The following EYS variants were observed in gnomAD, a reference collection of about 807,000 sequenced individuals.
EYS encodes the protein protein eyes shut homolog.
A neutral mutation model predicts 282.1 loss-of-function variants in EYS; 250 were observed. That is an observed-to-expected ratio of 0.89 (90% CI 0.80 to 0.98). The LOEUF (loss-of-function observed/expected upper bound fraction) is 0.98. EYS is among the 50% of genes least tolerant of loss of function. The pLI, the probability that EYS is intolerant of heterozygous loss-of-function variation, is 0.00. For missense variants in EYS, 4,016 were observed against 3,709.0 expected, an observed-to-expected ratio of 1.08 and a Z score of -2.15; for synonymous variants, 1,355 against 1,282.9, an observed-to-expected ratio of 1.06 and a Z score of -1.20.
intron 13 of EYS, among the ~76,000 whole-genome samples, chr6:65,007,263 C>T (rs1771703940): frequency 6.6e-6 from 1 of 152,162 alleles, no homozygotes; most frequent in Admixed American, 6.5e-5. Context: ...ACTAGGGGTG[C>T]TGGCATCCCT....
At chr6:64,744,828 T>A (rs1370138047) in intron 22 of EYS, among the ~76,000 whole-genome samples, 4 of 152,150 alleles carry the variant, frequency 2.6e-5, no homozygotes, top group African/African-American at 7.2e-5. Flanking sequence ...GCTAAAAAAA[T>A]AATATTTGAC....
At chr6:65,144,231 G>A (rs1260558182) in intron 12 of EYS, among the ~76,000 whole-genome samples, 1 of 152,052 alleles carries the variant, frequency 6.6e-6, no homozygotes, top group African/African-American at 2.4e-5. Flanking sequence ...CTAAATATCT[G>A]TGTCACATAT....
chr6:64,406,162 T>C (rs1409333585), intron 28 of EYS, among the ~76,000 whole-genome samples: 2 of 151,962 alleles, frequency 1.3e-5, no homozygotes, highest in Non-Finnish European at 2.9e-5. Context: ...CCACCACACA[T>C]CTACAACAAT....
chr6:64,886,807 G>A lies in EYS; in HGVS notation c.2882C>T (p.Pro961Leu), dbSNP rs1377427385. The A allele has an allele frequency of 5.2e-6, 8 of 1,544,762 alleles. No individual in the cohort carries two copies. Among genetic ancestry groups the A allele is most frequent in the Non-Finnish European group, 7.0e-6 (8 of 1,143,204 alleles). ...TTTATTTACATCAAGTTCACAGAAG[G>A]GCCCATGGTACTCAGGTTCACAATT... ...FCNCEPEYHG[P>L]FCELDVNKCK... Residue 961 changes from proline (P) to leucine (L), a missense_variant, in exon 19 of 43, where the codon CCC becomes CTC. By Grantham distance (98) the Pro-to-Leu change is moderately conservative. Coordinates refer to ENST00000503581, the MANE Select transcript of EYS (RefSeq NM_001142800.2).
At chr6:64,686,819 A>ACG (rs1770140079) in intron 22 of EYS, among the ~76,000 whole-genome samples, 1 of 45,076 alleles carries the variant, frequency 2.2e-5, no homozygotes, top group Non-Finnish European at 5.1e-5. Context: ...GTATATATAT[A>ACG]TGTGTATATA....
At chr6:65,618,285 G>T (rs552940250) in intron 2 of EYS, among the ~76,000 whole-genome samples, 1 of 152,374 alleles carries the variant, frequency 6.6e-6, no homozygotes, top group East Asian at 1.9e-4. Context: ...GTTTTGGTTT[G>T]CATTTCTCTG....
chr6:63,753,140 G>GTATATATATATATATATATATATATGTA (rs1769383219), intron 41 of EYS, among the ~76,000 whole-genome samples: 3 of 136,036 alleles, frequency 2.2e-5, no homozygotes, highest in African/African-American at 8.2e-5. Flanking sequence ...GTGTGTGTGT[G>GTATATATATATATATATATATATATGTA]TATATATATA....
chr6:64,579,215 C>G (rs774094353), intron 26 of EYS, among the ~76,000 whole-genome samples: 1 of 152,084 alleles, frequency 6.6e-6, no homozygotes, highest in Non-Finnish European at 1.5e-5. Context: ...GAGAGATGCT[C>G]TTCACTAGAA....
chr6:64,440,310 A>T (rs1016686962), intron 26 of EYS, among the ~76,000 whole-genome samples: 1 of 151,972 alleles, frequency 6.6e-6, no homozygotes, highest in Non-Finnish European at 1.5e-5. Flanking sequence ...ATTTTTAATG[A>T]TGCTTTAGAA....
chr6:64,219,789 C>T (rs1156663005), intron 31 of EYS, among the ~76,000 whole-genome samples: 3 of 152,110 alleles, frequency 2.0e-5, no homozygotes, highest in Non-Finnish European at 4.4e-5. Context: ...CCCAAATGTC[C>T]AACAATGATA....
intron 26 of EYS, among the ~76,000 whole-genome samples, chr6:64,534,296 T>TA (rs1397458638): frequency 1.3e-5 from 2 of 152,082 alleles, no homozygotes; most frequent in African/African-American, 4.8e-5. Flanking sequence ...ACTTTTTTTT[T>TA]AATTTGAATT....
Position 64,759,459 on chromosome 6 carries a change from AAAT to A in EYS, c.3443+53916_3443+53918del, listed in dbSNP as rs1185840377. Among the ~76,000 whole-genome samples the A allele has an allele frequency of 5.9e-5, 9 of 152,330 alleles. No homozygotes were observed. In the East Asian group the frequency reaches 1.5e-3, roughly 26 times the overall value. On this transcript the variant is annotated intron_variant, in intron 22 of 42. Coordinates refer to ENST00000503581, the MANE Select transcript of EYS (RefSeq NM_001142800.2). ...GTAAATTTGCCTACTGTTCTAATGA[AAAT>A]AATGTGTCTATATAAAACAAATTGT... is the stretch of plus-strand genomic sequence containing the variant.
At chr6:64,668,332 G>A (rs1224646122) in intron 22 of EYS, among the ~76,000 whole-genome samples, 1 of 152,094 alleles carries the variant, frequency 6.6e-6, no homozygotes, top group Non-Finnish European at 1.5e-5. Flanking sequence ...TAAACGTACA[G>A]AAAAGTGCGA....
At chr6:63,733,234 C>T (rs60289981) in intron 41 of EYS, among the ~76,000 whole-genome samples, 12,270 of 152,184 alleles carry the variant, frequency 0.081, 531 homozygotes, top group East Asian at 0.16. Flanking sequence ...CTGAGACTTT[C>T]ACCTACTGGC....
At chr6:63,954,851 A>C (rs1443684803) in intron 35 of EYS, among the ~76,000 whole-genome samples, 1 of 152,104 alleles carries the variant, frequency 6.6e-6, no homozygotes, top group East Asian at 1.9e-4. Context: ...TGTAGGTTAC[A>C]ATCCGCTAGC....
intron 12 of EYS, among the ~76,000 whole-genome samples, chr6:65,292,746 T>C (rs1768561237): frequency 6.6e-6 from 1 of 151,606 alleles, no homozygotes; most frequent in Non-Finnish European, 1.5e-5. Flanking sequence ...ACTAGTACAC[T>C]TCTACAGAAA....
At chr6:65,318,900 C>G (rs1331420261) in intron 11 of EYS, among the ~76,000 whole-genome samples, 15 of 150,202 alleles carry the variant, frequency 1.0e-4, no homozygotes, top group Non-Finnish European at 2.1e-4. Flanking sequence ...CCTTGGCCTG[C>G]GAAAGTGCTG....
intron 30 of EYS, among the ~76,000 whole-genome samples, chr6:64,290,602 A>C (rs2150365422): frequency 6.6e-6 from 1 of 151,974 alleles, no homozygotes; most frequent in South Asian, 2.1e-4. Flanking sequence ...TGGGACTGAG[A>C]GAATAGAGGA....
intron 12 of EYS, among the ~76,000 whole-genome samples, chr6:65,132,014 G>A (rs1278857917): frequency 6.6e-6 from 1 of 151,810 alleles, no homozygotes; most frequent in East Asian, 1.9e-4. Context: ...CAAGACTGAA[G>A]TAGGAAGGAG....
Sources: gnomAD v4.1 joint callset for allele counts (sites outside exome capture counted in the v4.1 genomes callset) on GRCh38, gnomAD v4.1.1 for gene constraint, MANE v1.5 for transcripts, NCBI Gene and HGNC (gene_info 2026-07-23, HGNC 2026-07-21) for gene names.